ZGRF1: variants seen among roughly 807,000 people sequenced by gnomAD.
ZGRF1 encodes zinc finger GRF-type containing 1, also known as 5'-3' DNA helicase ZGRF1.
Under a neutral mutation model 203.5 loss-of-function variants are expected in ZGRF1, and 196 were observed. The ratio of observed to expected loss-of-function variants is 0.96; its 90% CI spans 0.86 to 1.08. The LOEUF (loss-of-function observed/expected upper bound fraction) is 1.08, where lower values mean the gene tolerates loss of function less well. Ranked by LOEUF, ZGRF1 falls within the 50% of genes least tolerant of loss-of-function variation. The pLI is 0.00. For synonymous variants in ZGRF1, 809 were observed against 841.3 expected, an observed-to-expected ratio of 0.96 and a Z score of 0.66; for missense variants, 2,326 against 2,416.3, an observed-to-expected ratio of 0.96 and a Z score of 0.78.
chr4:112,578,310 G>C (rs1286605558), intron 16 of ZGRF1, among the ~76,000 whole-genome samples: 1 of 122,146 alleles, frequency 8.2e-6, no homozygotes, highest in Non-Finnish European at 1.8e-5. Flanking sequence ...ATGCCCACAA[G>C]AGAAAGCAGG....
intron 24 of ZGRF1, among the ~76,000 whole-genome samples, chr4:112,543,602 G>C: frequency 6.6e-6 from 1 of 152,274 alleles, no homozygotes; most frequent in South Asian, 2.1e-4. Context: ...GGGCAGAACA[G>C]TGTGCAGAGT....
chr4:112,629,761 G>C (rs1051880138), intron 3 of ZGRF1: 1 of 153,030 alleles, frequency 6.5e-6, no homozygotes, highest in African/African-American at 2.4e-5. Context: ...GCTCATACCT[G>C]TAATACCAGC....
At chr4:112,562,624 G>A in intron 17 of ZGRF1, 139 bp from the exon 18 acceptor site, 2 of 598,010 alleles carry the variant, frequency 3.3e-6, no homozygotes, top group Non-Finnish European at 6.0e-6. Flanking sequence ...AACACACACA[G>A]AGATCCCAAA....
chr4:112,560,159 G>A (rs1009154765), intron 19 of ZGRF1, among the ~76,000 whole-genome samples: 7 of 152,212 alleles, frequency 4.6e-5, no homozygotes, highest in African/African-American at 1.7e-4. Flanking sequence ...ATGTGCTACA[G>A]AGGCAACAGA....
At chr4:112,606,943 A>G (rs1416304638) in intron 8 of ZGRF1, among the ~76,000 whole-genome samples, 1 of 152,186 alleles carries the variant, frequency 6.6e-6, no homozygotes. Flanking sequence ...GAATTCAACT[A>G]CAAAAGTAAT....
At chr4:112,557,580 T>C (rs767367781) in intron 20 of ZGRF1, among the ~76,000 whole-genome samples, 1 of 152,190 alleles carries the variant, frequency 6.6e-6, no homozygotes, top group African/African-American at 2.4e-5. Context: ...CATATCTGCA[T>C]TGGTTTCCCT....
intron 3 of ZGRF1, among the ~76,000 whole-genome samples, chr4:112,629,136 C>G (rs916952456): frequency 6.6e-6 from 1 of 152,100 alleles, no homozygotes; most frequent in Non-Finnish European, 1.5e-5. Context: ...TATCTATAGC[C>G]CTGGGTCTCA....
At position 112,618,552 on chromosome 4, in the gene ZGRF1, T is replaced by C. The variant is rs2046961793; in HGVS notation, c.1490A>G (p.Asp497Gly). 1.2e-6 allele frequency: 2 copies of C among 1,613,618 alleles called. No individual in the cohort carries two copies. Among genetic ancestry groups the C allele is most frequent in the East Asian group, 4.5e-5 (2 of 44,836 alleles). Reference sequence around the variant, plus strand: ...TTCAGAAATCATGTCTGTAATGTCATCAGAGATCCTAGAATTATTACTAGA... The same window carrying C: ...TTCAGAAATCATGTCTGTAATGTCACCAGAGATCCTAGAATTATTACTAGA... ...IESSNNSRISDDITDMISESK... is the reference protein window; with the variant it reads ...IESSNNSRISGDITDMISESK... The change falls in exon 6 of 28, where the codon GAT becomes GGT. Residue 497 changes from aspartate to glycine, a missense_variant. Transcript: ENST00000505019.
At position 112,581,805 on chromosome 4, in the gene ZGRF1, G is replaced by A; in HGVS notation, c.4299-3C>T. On this transcript the variant is annotated splice_region_variant and splice_polypyrimidine_tract_variant and intron_variant, in intron 15 of 27. Coordinates refer to ENST00000505019, the MANE Select transcript of ZGRF1 (RefSeq NM_018392.5). The stretch of plus-strand genomic sequence containing the variant: ...TTCTCTGAAAATCAAATCCTTTTCT[G>A]AAAAGGGAATAAAAAATAAAAATGA... 7.5e-7 allele frequency: 1 copy of A among 1,333,184 alleles called. No homozygotes were observed. The highest frequency in any genetic ancestry group is 1.0e-6 in the Non-Finnish European group (1 of 1,001,768). 82.6% of individuals were successfully genotyped at this position (1,333,184 alleles called of 1,614,324 possible). A position where few individuals can be genotyped will look rare whatever the true frequency, so the allele number is the denominator to read the frequency against.
At chr4:112,592,970 C>A (rs936452065) in intron 10 of ZGRF1, among the ~76,000 whole-genome samples, 1 of 152,158 alleles carries the variant, frequency 6.6e-6, no homozygotes, top group Non-Finnish European at 1.5e-5. Context: ...TCTTCAAATG[C>A]ACACAAGAAA....
At chr4:112,581,926 A>G (rs1746333746) in intron 15 of ZGRF1, 124 bp from the exon 16 acceptor site, 3 of 434,206 alleles carry the variant, frequency 6.9e-6, no homozygotes, top group Non-Finnish European at 7.9e-6. Flanking sequence ...ATACATGTAT[A>G]CAAAATATAA....
intron 16 of ZGRF1, among the ~76,000 whole-genome samples, chr4:112,572,258 G>A (rs943489053): frequency 1.3e-5 from 2 of 152,022 alleles, no homozygotes; most frequent in African/African-American, 2.4e-5. Flanking sequence ...AATACTTAGA[G>A]CCAACTGATC....
At chr4:112,555,606 A>G (rs1740787258) in intron 20 of ZGRF1, among the ~76,000 whole-genome samples, 1 of 152,180 alleles carries the variant, frequency 6.6e-6, no homozygotes, top group Non-Finnish European at 1.5e-5. Flanking sequence ...TTTTTTTCCA[A>G]TGCAAGTTTG....
In ZGRF1 at chr4:112,617,485, G is replaced by T; in HGVS notation, c.2557C>A (p.Gln853Lys). The change falls in exon 6 of 28, where the codon CAG becomes AAG. Residue 853 changes from glutamine to lysine, a missense_variant. Gln to Lys is a moderately conservative substitution (Grantham distance 53). Coordinates refer to ENST00000505019, the MANE Select transcript of ZGRF1 (RefSeq NM_018392.5). ...EILKKKNTVF[Q>K]QGTQQTYEPD... is the part of the protein sequence containing the mutation. ...TCATACGTCTGTTGAGTTCCTTGCTGAAAGACAGTATTTTTCTTTTTCAAT... is the reference window on the plus strand; with the variant it reads ...TCATACGTCTGTTGAGTTCCTTGCTTAAAGACAGTATTTTTCTTTTTCAAT... 6.3e-7 allele frequency: 1 copy of T among 1,592,338 alleles called. No individual in the cohort carries two copies. Among genetic ancestry groups the T allele is most frequent in the Non-Finnish European group, 8.5e-7 (1 of 1,172,572 alleles).
chr4:112,596,623 T>G lies in ZGRF1; in HGVS notation c.2977-6749A>C, dbSNP rs117073490. 7.1e-3 allele frequency among the ~76,000 whole-genome samples: 1,075 copies of G among 152,146 alleles called. 29 individuals carry two copies. In the East Asian group the frequency reaches 0.093, roughly 13 times the overall value. On this transcript the variant is annotated intron_variant, in intron 10 of 27. Transcript: ENST00000505019. ...TTTTTTTGTTGTTGGAAACTGGGTC[T>G]CACTCTGTTGCCCAAGCTGGAGGGC... is the stretch of plus-strand genomic sequence containing the variant.
At chr4:112,558,557 A>G (rs573590346) in intron 19 of ZGRF1, among the ~76,000 whole-genome samples, 3 of 152,190 alleles carry the variant, frequency 2.0e-5, no homozygotes, top group Admixed American at 6.5e-5. Context: ...TAGTAGAGCC[A>G]CCATATTGGC....
intron 3 of ZGRF1, 147 bp downstream of exon 3, chr4:112,631,783 T>C: frequency 2.1e-6 from 1 of 467,512 alleles, no homozygotes; most frequent in Non-Finnish European, 3.8e-6. Context: ...TTAACCACTG[T>C]GATATGGGGA....
intron 12 of ZGRF1, 62 bp downstream of exon 12, chr4:112,587,218 T>C (rs529341019): frequency 6.3e-4 from 935 of 1,478,066 alleles, no homozygotes; most frequent in Non-Finnish European, 8.1e-4. Flanking sequence ...GGTAATTCTT[T>C]TGTTGAAATT....
chr4:112,625,297 A>G (rs567085310), intron 3 of ZGRF1, among the ~76,000 whole-genome samples: 25 of 152,134 alleles, frequency 1.6e-4, no homozygotes, highest in Admixed American at 3.9e-4. Context: ...TATTTAAAAA[A>G]AGAAAATCGC....
Sources: allele counts gnomAD v4.1 joint callset (sites outside exome capture counted in the v4.1 genomes callset), GRCh38; gene constraint gnomAD v4.1.1; transcripts MANE v1.5; gene names NCBI Gene and HGNC (gene_info 2026-07-23, HGNC 2026-07-21).